ACACA: variants seen among roughly 807,000 people sequenced by gnomAD.
ACACA encodes acetyl-CoA carboxylase 1.
Under a neutral mutation model 296.1 loss-of-function variants are expected in ACACA, and 103 were observed. That is an observed-to-expected ratio of 0.35 (90% CI 0.30 to 0.41). The LOEUF (loss-of-function observed/expected upper bound fraction) is 0.41, where lower values mean the gene tolerates loss of function less well. Among genes scored for constraint, ACACA ranks in the 10% least tolerant of loss-of-function variants. The pLI is 1.00. For missense variants in ACACA, 1,554 were observed against 2,989.7 expected, an observed-to-expected ratio of 0.52 and a Z score of 11.20; for synonymous variants, 953 against 1,038.6, an observed-to-expected ratio of 0.92 and a Z score of 1.58.
chr17:37,391,558 T>G, intron 1 of ACACA: 5 of 1,167,990 alleles, frequency 4.3e-6, no homozygotes. Flanking sequence ...TTACATGGGG[T>G]TTTGTACTTA....
chr17:37,344,769 C>T (rs1372646774), intron 1 of ACACA, among the ~76,000 whole-genome samples: 2 of 152,020 alleles, frequency 1.3e-5, no homozygotes, highest in Non-Finnish European at 2.9e-5. Context: ...GTCATACGTT[C>T]CCCAAAATGT....
At chr17:37,381,340 C>A (rs1017478375) in intron 1 of ACACA, among the ~76,000 whole-genome samples, 1 of 151,890 alleles carries the variant, frequency 6.6e-6, no homozygotes, top group African/African-American at 2.4e-5. Context: ...TGCCCACCAC[C>A]ACACCCAGTG....
At chr17:37,394,310 A>G (rs2051000610) in intron 1 of ACACA, among the ~76,000 whole-genome samples, 2 of 151,442 alleles carry the variant, frequency 1.3e-5, no homozygotes, top group Non-Finnish European at 2.9e-5. Context: ...TCCCGGGTTC[A>G]AACTATTCTC....
At chr17:37,211,127 G>T (rs1472483945) in intron 29 of ACACA, among the ~76,000 whole-genome samples, 2 of 152,164 alleles carry the variant, frequency 1.3e-5, no homozygotes, top group Non-Finnish European at 2.9e-5. Flanking sequence ...GAGCTTAAAA[G>T]AACTGAAAAT....
intron 22 of ACACA, among the ~76,000 whole-genome samples, chr17:37,242,349 T>C (rs960781324): frequency 1.3e-5 from 2 of 152,170 alleles, no homozygotes; most frequent in African/African-American, 4.8e-5. Context: ...TCCCCACTTA[T>C]CTACCTATAT....
rs142935729 is a variant in ACACA, at chr17:37,246,892, C to T, written c.2394G>A (p.Lys798=). 7.2e-5 allele frequency: 116 copies of T among 1,614,050 alleles called. No individual in the cohort carries two copies. The highest frequency in any genetic ancestry group is 9.1e-5 in the Non-Finnish European group (107 of 1,180,046). Residue 798 remains lysine (K), a synonymous_variant, in exon 19 of 56, where the codon AAG becomes AAA. Coordinates refer to ENST00000616317, the MANE Select transcript of ACACA (RefSeq NM_198834.3). The part of the protein sequence containing the change: ...PSVMRSPSAG[K]LIQYIVEDGG... Reference sequence around the variant, plus strand: ...CATCTTCTACAATGTACTGGATTAACTTCCCAGCAGAAGGTGAGCGCATCA... The same window carrying T: ...CATCTTCTACAATGTACTGGATTAATTTCCCAGCAGAAGGTGAGCGCATCA...
intron 43 of ACACA, among the ~76,000 whole-genome samples, chr17:37,152,396 G>A (rs973784480): frequency 1.4e-4 from 21 of 152,258 alleles, no homozygotes; most frequent in African/African-American, 4.6e-4. Context: ...CAAACAGAGC[G>A]GTAGTGAGAA....
At chr17:37,385,210 G>A (rs1037671803) in intron 1 of ACACA, among the ~76,000 whole-genome samples, 12 of 152,132 alleles carry the variant, frequency 7.9e-5, no homozygotes, top group Non-Finnish European at 1.6e-4. Context: ...AGTGGCTCAT[G>A]TCTGTAACCC....
intron 39 of ACACA, among the ~76,000 whole-genome samples, chr17:37,181,913 A>AAAT (rs1555577994): frequency 6.8e-5 from 10 of 147,986 alleles, no homozygotes; most frequent in African/African-American, 2.6e-4. Flanking sequence ...AAAAAAAAAA[A>AAAT]AAAAAAAAAA....
At position 37,153,679 on chromosome 17, in the gene ACACA, T is replaced by A. The variant is rs543164428; in HGVS notation, c.5447+2004A>T. ...GTATATAATTTTTTCAAATGATTAT[T>A]AAGTTCTTAGGACGCAAATACTTAT... On this transcript the variant is annotated intron_variant, in intron 43 of 55. Coordinates refer to ENST00000616317, the MANE Select transcript of ACACA (RefSeq NM_198834.3). 3.3e-5 allele frequency among the ~76,000 whole-genome samples: 5 copies of A among 152,312 alleles called. No homozygotes were observed. The South Asian group carries it at 1.0e-3, about 32-fold the overall frequency.
At chr17:37,190,589 TATACATA>T (rs1215590439) in intron 38 of ACACA, among the ~76,000 whole-genome samples, 63 of 152,196 alleles carry the variant, frequency 4.1e-4, no homozygotes, top group Non-Finnish European at 1.6e-4. Context: ...GGGAAGAAAA[TATACATA>T]ATACATGAGA....
chr17:37,100,394 T>C (rs2073286743), intron 52 of ACACA, among the ~76,000 whole-genome samples: 1 of 152,146 alleles, frequency 6.6e-6, no homozygotes, highest in Non-Finnish European at 1.5e-5. Context: ...CTCCTGATGA[T>C]GTACTGAGAA....
In ACACA at chr17:37,286,274, T is replaced by C. The variant is rs144227007; in HGVS notation, c.339-1304A>G. 1.7e-3 allele frequency among the ~76,000 whole-genome samples: 263 copies of C among 152,336 alleles called. 2 individuals are homozygous for C. Among genetic ancestry groups the C allele is most frequent in the Non-Finnish European group, 3.0e-3 (206 of 68,022 alleles). ...GCACCTTGGATTAGACAAAATATGA[T>C]AGTGGAAACAGCACAGGCCTGGGTT... On this transcript the variant is annotated intron_variant, in intron 3 of 55. Coordinates refer to ENST00000616317, the MANE Select transcript of ACACA (RefSeq NM_198834.3).
At chr17:37,365,739 A>G (rs1254503331) in intron 1 of ACACA, 1 of 985,448 alleles carries the variant, frequency 1.0e-6, no homozygotes, top group Admixed American at 6.1e-5. Context: ...AGGCCACTTC[A>G]TAAGTCTGGT....
intron 3 of ACACA, among the ~76,000 whole-genome samples, chr17:37,314,422 A>G (rs1175391684): frequency 6.6e-6 from 1 of 151,988 alleles, no homozygotes; most frequent in Non-Finnish European, 1.5e-5. Context: ...TTCTTGTGCA[A>G]GTAGATTTCC....
chr17:37,305,980 C>T (rs2083867004), intron 3 of ACACA, among the ~76,000 whole-genome samples: 1 of 140,458 alleles, frequency 7.1e-6, no homozygotes, highest in African/African-American at 2.6e-5. Context: ...ACTATCTCGG[C>T]TCACTGCAAG....
intron 1 of ACACA, chr17:37,379,249 A>G (rs375008603): frequency 1.9e-6 from 3 of 1,613,974 alleles, no homozygotes; most frequent in Non-Finnish European, 2.5e-6. Context: ...ATTTGGAGAG[A>G]AGGCCAAAGG....
intron 3 of ACACA, among the ~76,000 whole-genome samples, chr17:37,287,223 A>G (rs2082816746): frequency 6.6e-6 from 1 of 152,224 alleles, no homozygotes; most frequent in African/African-American, 2.4e-5. Context: ...TCTTTTCAAA[A>G]TAAGAAGGTA....
intron 33 of ACACA, among the ~76,000 whole-genome samples, chr17:37,203,305 A>G (rs1396226245): frequency 6.6e-6 from 1 of 152,184 alleles, no homozygotes; most frequent in Non-Finnish European, 1.5e-5. Context: ...TATGACACTT[A>G]GATTTGAGGG....
Sources: allele counts gnomAD v4.1 joint callset (sites outside exome capture counted in the v4.1 genomes callset), GRCh38; gene constraint gnomAD v4.1.1; transcripts MANE v1.5; gene names NCBI Gene and HGNC (gene_info 2026-07-23, HGNC 2026-07-21).